CDC23: variants seen among roughly 807,000 people sequenced by gnomAD.
The protein encoded by CDC23 is cell division cycle 23.
In CDC23, 26 loss-of-function variants were observed where a neutral mutation model predicts 81.7. That is an observed-to-expected ratio of 0.32 (90% CI 0.23 to 0.44). The LOEUF (loss-of-function observed/expected upper bound fraction) is 0.44. Ranked by LOEUF, CDC23 falls within the 20% of genes least tolerant of loss-of-function variation. The probability of loss-of-function intolerance (pLI) is 1.00; values close to 1 mark genes in which losing one functional copy is unlikely to be tolerated. For synonymous variants in CDC23, 267 were observed against 270.8 expected, an observed-to-expected ratio of 0.99 and a Z score of 0.14; for missense variants, 519 against 728.0, an observed-to-expected ratio of 0.71 and a Z score of 3.30.
chr5:138,194,447 G>A (rs1014557294), intron 9 of CDC23, among the ~76,000 whole-genome samples: 1 of 152,132 alleles, frequency 6.6e-6, no homozygotes, highest in African/African-American at 2.4e-5. Flanking sequence ...AAAGAAGCCA[G>A]ACAATAAGAC....
Position 138,188,840 on chromosome 5 carries a change from C to A in CDC23, c.*138G>T. The A allele has an allele frequency of 1.4e-6, 1 of 695,328 alleles. No homozygotes were observed. Among genetic ancestry groups the A allele is most frequent in the Admixed American group, 3.5e-5 (1 of 28,850 alleles). The allele number at this position is 695,328 out of a possible 1,614,324, so 43.1% of individuals were successfully genotyped here. On this transcript the variant is annotated 3_prime_UTR_variant, in exon 16 of 16. Transcript: ENST00000394886. Reference sequence around the variant, plus strand: ...CAGTTGGCCTCTGAAGGTAATTATACAAGCTGTCCCTATGGAGCTGTTGCC... The same window carrying A: ...CAGTTGGCCTCTGAAGGTAATTATAAAAGCTGTCCCTATGGAGCTGTTGCC...
chr5:138,198,257 A>G lies in CDC23; in HGVS notation c.954T>C (p.Tyr318=). 3 of 1,613,856 alleles carry G rather than the reference A, an allele frequency of 1.9e-6. No homozygotes were observed. The highest frequency in any genetic ancestry group is 1.7e-4 in the Middle Eastern group (1 of 6,042). ...CAATCTCACAGAGGTTATGAGCCAG[A>G]TAACTCAACTCCGATTTCATGCTCT... ...YVRSMKSELS[Y]LAHNLCEIDK... The change falls in exon 9 of 16, where the codon TAT becomes TAC. Residue 318 remains tyrosine (Y), a synonymous_variant. Coordinates refer to ENST00000394886, the MANE Select transcript of CDC23 (RefSeq NM_004661.4).
chr5:138,213,291 C>G lies in CDC23; in HGVS notation c.22G>C (p.Val8Leu), dbSNP rs1755138470. 1 of 1,613,912 alleles carries G rather than the reference C, an allele frequency of 6.2e-7. No individual in the cohort carries two copies. Among genetic ancestry groups the G allele is most frequent in the Non-Finnish European group, 8.5e-7 (1 of 1,179,970 alleles). The change falls in exon 1 of 16, where the codon GTC becomes CTC. Residue 8 changes from valine (V) to leucine (L), a missense_variant. Val to Leu is a conservative substitution (Grantham distance 32). This residue lies in a region of CDC23 where 126 missense variants were observed against 116.2 expected (regional missense o/e 1.08). Coordinates refer to ENST00000394886, the MANE Select transcript of CDC23 (RefSeq NM_004661.4). The part of the protein sequence containing the change: MAASTSM[V>L]PVAVTAAVAP... ...ACTGCCGCCGTCACAGCCACCGGGA[C>G]CATGGAGGTACTCGCAGCCATTTTC...
intron 6 of CDC23, among the ~76,000 whole-genome samples, chr5:138,200,776 C>T (rs1312768203): frequency 6.6e-6 from 1 of 152,110 alleles, no homozygotes; most frequent in Admixed American, 6.6e-5. Flanking sequence ...GCCAAGATCG[C>T]ACCACTGCAC....
chr5:138,195,319 G>A (rs1042307762), intron 9 of CDC23, among the ~76,000 whole-genome samples: 1 of 150,274 alleles, frequency 6.7e-6, no homozygotes, highest in Non-Finnish European at 1.5e-5. Context: ...TTATGGGCCA[G>A]GCGCAGTGGC....
chr5:138,189,942 T>C, intron 13 of CDC23, 36 bp from the exon 14 acceptor site: 1 of 1,581,638 alleles, frequency 6.3e-7, no homozygotes, highest in Non-Finnish European at 8.7e-7. Context: ...ACCAATGATA[T>C]CCCAAAGCAA....
At chr5:138,201,998 T>C (rs1754994855) in intron 4 of CDC23, 115 bp downstream of exon 4, 1 of 720,500 alleles carries the variant, frequency 1.4e-6, no homozygotes, top group Admixed American at 2.8e-5. Flanking sequence ...GCCAGGTGCT[T>C]TCCAATTTGT....
chr5:138,213,115 G>C, intron 1 of CDC23, 37 bp downstream of exon 1: 1 of 1,613,994 alleles, frequency 6.2e-7, no homozygotes, highest in South Asian at 1.1e-5. Context: ...CAAGGCCAAG[G>C]ATCCAAGCCC....
At chr5:138,197,479 CAT>C (rs1754927833) in intron 9 of CDC23, among the ~76,000 whole-genome samples, 1 of 150,300 alleles carries the variant, frequency 6.7e-6, no homozygotes, top group South Asian at 2.1e-4. Context: ...ATAGACGTAA[CAT>C]GTAATACATA....
At chr5:138,212,856 C>T in intron 2 of CDC23, 135 bp downstream of exon 2, 1 of 677,736 alleles carries the variant, frequency 1.5e-6, no homozygotes, top group South Asian at 1.8e-5. Context: ...AAACACTCAG[C>T]TCTTTGAATG....
intron 9 of CDC23, among the ~76,000 whole-genome samples, chr5:138,195,700 C>CATATATACATATAATATATGTGTAT (rs1754887592): frequency 1.1e-5 from 1 of 94,744 alleles, no homozygotes; most frequent in Non-Finnish European, 2.0e-5. Flanking sequence ...AATATATATG[C>CATATATACATATAATATATGTGTAT]ATATATACAT....
chr5:138,198,233 A>C lies in CDC23; in HGVS notation c.978T>G (p.Ile326Met). 1 of 1,613,680 alleles carries C rather than the reference A, an allele frequency of 6.2e-7. No individual in the cohort carries two copies. The highest frequency in any genetic ancestry group is 1.1e-5 in the South Asian group (1 of 91,066). ...LSYLAHNLCE[I>M]DKYRVETCCV... is the part of the protein sequence containing the mutation. ...AGCACGTTTCTACACGATATTTATCAATCTCACAGAGGTTATGAGCCAGAT... is the reference window on the plus strand; with the variant it reads ...AGCACGTTTCTACACGATATTTATCCATCTCACAGAGGTTATGAGCCAGAT... Residue 326 changes from isoleucine to methionine, a missense_variant, in exon 9 of 16, where the codon ATT (isoleucine) becomes ATG (methionine). Physicochemically the swap from Ile to Met is conservative, Grantham distance 10 (BLOSUM62 1). Transcript: ENST00000394886.
At chr5:138,194,968 C>T (rs1362207562) in intron 9 of CDC23, among the ~76,000 whole-genome samples, 3 of 151,768 alleles carry the variant, frequency 2.0e-5, no homozygotes, top group South Asian at 2.1e-4. Context: ...GTGATCCACC[C>T]GCCCAGGCTG....
At chr5:138,197,098 T>C (rs1411666270) in intron 9 of CDC23, among the ~76,000 whole-genome samples, 14 of 149,436 alleles carry the variant, frequency 9.4e-5, no homozygotes, top group Non-Finnish European at 1.8e-4. Flanking sequence ...AAAAATATGT[T>C]TAAAAAAAAA....
At chr5:138,201,006 T>C (rs1754982912) in intron 6 of CDC23, 101 bp downstream of exon 6, 3 of 1,353,064 alleles carry the variant, frequency 2.2e-6, no homozygotes, top group Non-Finnish European at 3.0e-6. Context: ...AAGGGAGAAC[T>C]ATAACCAAAG....
At chr5:138,206,449 G>T in intron 3 of CDC23, 98 bp downstream of exon 3, 1 of 1,153,246 alleles carries the variant, frequency 8.7e-7, no homozygotes, top group Non-Finnish European at 1.3e-6. Flanking sequence ...TTCATTCAGT[G>T]GCCCACTGCT....
At chr5:138,199,515 AG>A (rs1423127808) in intron 6 of CDC23, among the ~76,000 whole-genome samples, 2 of 152,246 alleles carry the variant, frequency 1.3e-5, no homozygotes, top group East Asian at 1.9e-4. Context: ...AACCCTAGAT[AG>A]AAAGTACCCA....
At chr5:138,208,312 T>G (rs1476005596) in intron 2 of CDC23, among the ~76,000 whole-genome samples, 1 of 152,204 alleles carries the variant, frequency 6.6e-6, no homozygotes, top group Non-Finnish European at 1.5e-5. Flanking sequence ...TTTCCTCATC[T>G]TTCTTGCCCC....
chr5:138,200,633 G>A (rs1380636458), intron 6 of CDC23, among the ~76,000 whole-genome samples: 4 of 151,892 alleles, frequency 2.6e-5, no homozygotes, highest in African/African-American at 9.7e-5. Context: ...CAGCCTGGCC[G>A]ACATGGTGAA....
Sources: allele counts gnomAD v4.1 joint callset (sites outside exome capture counted in the v4.1 genomes callset), GRCh38; gene constraint gnomAD v4.1.1; regional missense constraint gnomAD v4.1.1; transcripts MANE v1.5; gene names NCBI Gene and HGNC (gene_info 2026-07-23, HGNC 2026-07-21).